The following ATP9B variants were observed in gnomAD, a reference collection of about 807,000 sequenced individuals.
ATP9B encodes ATPase phospholipid transporting 9B, also known as probable phospholipid-transporting ATPase IIB.
In ATP9B, 110 loss-of-function variants were observed where a neutral mutation model predicts 146.1. The ratio of observed to expected loss-of-function variants is 0.75; its 90% confidence interval spans 0.65 to 0.88. The LOEUF is 0.88. Ranked by LOEUF, ATP9B falls within the 40% of genes least tolerant of loss-of-function variation. ATP9B has a pLI of 0.00. For synonymous variants in ATP9B, 604 were observed against 569.7 expected (o/e 1.06, Z -0.86); for missense variants, 1,499 against 1,496.4 (o/e 1.00, Z -0.03).
Position 79,137,369 on chromosome 18 carries a change from T to G in ATP9B, c.668-6433T>G, listed in dbSNP as rs371595687. Among the ~76,000 whole-genome samples, 258 of 152,306 alleles carry G rather than the reference T, an allele frequency of 1.7e-3. 2 individuals carry two copies. In the South Asian group the frequency reaches 0.026, roughly 16 times the overall value. On this transcript the variant is annotated intron_variant, in intron 5 of 29. Transcript: ENST00000426216. ...GTCAGACATTGTGAATTTTATCTTT[T>G]TGGGTGGTGGATATTTTTATATTCC... is the stretch of plus-strand genomic sequence containing the variant.
chr18:79,327,674 G>GTGGTTAGCGTGCTCTCTC (rs2096761865), intron 15 of ATP9B, among the ~76,000 whole-genome samples: 3 of 140,784 alleles, frequency 2.1e-5, no homozygotes, highest in East Asian at 4.4e-4. Context: ...CGTGCTCTCC[G>GTGGTTAGCGTGCTCTCTC]TGGTTAGCGT....
intron 19 of ATP9B, among the ~76,000 whole-genome samples, chr18:79,340,871 C>T (rs2096854470): frequency 6.6e-6 from 1 of 152,232 alleles, no homozygotes; most frequent in South Asian, 2.1e-4. Context: ...TAGCAAACTG[C>T]AGTGAAGGTC....
At chr18:79,149,806 G>A (rs1210306718) in intron 6 of ATP9B, among the ~76,000 whole-genome samples, 2 of 152,136 alleles carry the variant, frequency 1.3e-5, no homozygotes, top group Admixed American at 1.3e-4. Flanking sequence ...ACATGGGCCA[G>A]GCACAGTGGC....
chr18:79,259,740 G>A (rs1220684385), intron 12 of ATP9B, among the ~76,000 whole-genome samples: 2 of 152,220 alleles, frequency 1.3e-5, no homozygotes, highest in Non-Finnish European at 2.9e-5. Context: ...CACAGGCACA[G>A]CAGTCATTGC....
chr18:79,071,398 CCTTT>C (rs2071772284), intron 1 of ATP9B, among the ~76,000 whole-genome samples: 1 of 22,408 alleles, frequency 4.5e-5, no homozygotes, highest in Non-Finnish European at 8.2e-5. Context: ...TATTGTTCTT[CCTTT>C]TTTTTTTTTT....
At chr18:79,142,199 A>G (rs1054640190) in intron 5 of ATP9B, among the ~76,000 whole-genome samples, 1 of 152,204 alleles carries the variant, frequency 6.6e-6, no homozygotes, top group South Asian at 2.1e-4. Context: ...GGTAATTTCC[A>G]TAGAAATTAA....
intron 7 of ATP9B, chr18:79,174,047 T>C (rs1049808086): frequency 9.8e-5 from 31 of 317,710 alleles, no homozygotes; most frequent in South Asian, 7.5e-4. Flanking sequence ...GACTGCACTT[T>C]TCCTCCTCTT....
At chr18:79,168,636 A>C (rs1350573363) in intron 7 of ATP9B, among the ~76,000 whole-genome samples, 1 of 152,216 alleles carries the variant, frequency 6.6e-6, no homozygotes, top group Admixed American at 6.5e-5. Context: ...GCACTTCATA[A>C]GTAGATGCTT....
chr18:79,090,826 T>C (rs1319736264), intron 1 of ATP9B, among the ~76,000 whole-genome samples: 2 of 152,196 alleles, frequency 1.3e-5, no homozygotes, highest in Non-Finnish European at 1.5e-5. Context: ...TTGCCTGTGC[T>C]TGAGGGGTAT....
intron 12 of ATP9B, among the ~76,000 whole-genome samples, chr18:79,265,643 T>G (rs1394478688): frequency 6.6e-6 from 1 of 152,234 alleles, no homozygotes; most frequent in Admixed American, 6.5e-5. Context: ...CTCTGTAGGT[T>G]GTCTGTTCAC....
intron 5 of ATP9B, among the ~76,000 whole-genome samples, chr18:79,129,308 A>G (rs1382882521): frequency 6.6e-6 from 1 of 152,156 alleles, no homozygotes; most frequent in Admixed American, 6.5e-5. Context: ...TGGAAGCGAC[A>G]TGCAAGCCAA....
chr18:79,272,612 C>T (rs757949765), intron 12 of ATP9B, among the ~76,000 whole-genome samples: 2 of 151,000 alleles, frequency 1.3e-5, no homozygotes, highest in East Asian at 2.0e-4. Context: ...CGGATACGCT[C>T]CTCTCCCTGA....
At chr18:79,186,875 C>T (rs771235393) in intron 8 of ATP9B, among the ~76,000 whole-genome samples, 21 of 152,210 alleles carry the variant, frequency 1.4e-4, no homozygotes, top group Non-Finnish European at 2.1e-4. Flanking sequence ...TGTGAATTTG[C>T]TTTCACATTG....
At chr18:79,316,261 C>T (rs2096679257) in intron 15 of ATP9B, among the ~76,000 whole-genome samples, 5 of 152,188 alleles carry the variant, frequency 3.3e-5, no homozygotes, top group African/African-American at 9.6e-5. Flanking sequence ...GTGGAGATTG[C>T]GTTCTGTGGT....
chr18:79,268,124 G>A (rs968088344), intron 12 of ATP9B, among the ~76,000 whole-genome samples: 1 of 151,954 alleles, frequency 6.6e-6, no homozygotes, highest in Non-Finnish European at 1.5e-5. Context: ...AAAGCTTTTT[G>A]CATTAAATTC....
intron 12 of ATP9B, among the ~76,000 whole-genome samples, chr18:79,263,779 C>T (rs540426411): frequency 6.6e-6 from 1 of 152,240 alleles, no homozygotes; most frequent in Admixed American, 6.5e-5. Context: ...ACGTTAGCAC[C>T]CTGGTATAAG....
intron 12 of ATP9B, among the ~76,000 whole-genome samples, chr18:79,270,964 C>A (rs1008756795): frequency 2.0e-5 from 3 of 152,166 alleles, no homozygotes; most frequent in African/African-American, 7.2e-5. Context: ...GGGCCACTGT[C>A]AGTCTAAGCA....
At chr18:79,270,473 A>G (rs536501252) in intron 12 of ATP9B, among the ~76,000 whole-genome samples, 335 of 152,360 alleles carry the variant, frequency 2.2e-3, no homozygotes, top group African/African-American at 7.9e-3. Flanking sequence ...GATTTCAAAT[A>G]TCAAAGTCAA....
At chr18:79,312,489 T>C (rs1035182409) in intron 15 of ATP9B, among the ~76,000 whole-genome samples, 1 of 152,160 alleles carries the variant, frequency 6.6e-6, no homozygotes, top group Non-Finnish European at 1.5e-5. Context: ...CAGCTGCCCA[T>C]TGGCACGCGG....
Sources: allele counts gnomAD v4.1 joint callset (sites outside exome capture counted in the v4.1 genomes callset), GRCh38; gene constraint gnomAD v4.1.1; transcripts MANE v1.5; gene names NCBI Gene and HGNC (gene_info 2026-07-23, HGNC 2026-07-21).